The following CDH8 variants were observed in gnomAD, a reference collection of about 807,000 sequenced individuals.
CDH8 encodes the protein cadherin-8.
A neutral mutation model predicts 68.1 loss-of-function variants in CDH8; 17 were observed. The ratio of observed to expected loss-of-function variants is 0.25; its 90% CI spans 0.17 to 0.37. CDH8 has a LOEUF of 0.37. CDH8 is among the 10% of genes least tolerant of loss of function. The pLI is 1.00. For missense variants in CDH8, 763 were observed against 999.3 expected (o/e 0.76, Z 3.19); for synonymous variants, 372 against 365.1 (o/e 1.02, Z -0.21).
rs147075749 is a variant in CDH8 at position 61,961,022 on chromosome 16, A to T, written c.253-59549T>A. 3.0e-4 allele frequency among the ~76,000 whole-genome samples: 45 copies of T among 152,224 alleles called. No individual in the cohort carries two copies. In the East Asian group the frequency reaches 7.0e-3, roughly 24 times the overall value. On this transcript the variant is annotated intron_variant, in intron 2 of 11. Transcript: ENST00000577390. ...AAGAAGACAGAAGGATCTCTATAAG[A>T]ACAGGAATTGGGGCTGGGCACGGTG...
intron 8 of CDH8, among the ~76,000 whole-genome samples, chr16:61,735,201 G>A (rs900331533): frequency 7.9e-5 from 12 of 151,934 alleles, no homozygotes; most frequent in African/African-American, 2.2e-4. Context: ...TACATAGACC[G>A]TTTTCCAAAT....
chr16:61,717,229 AT>A (rs1444341547), intron 9 of CDH8, among the ~76,000 whole-genome samples: 1 of 151,622 alleles, frequency 6.6e-6, no homozygotes, highest in East Asian at 1.9e-4. Flanking sequence ...AATATTTTCA[AT>A]TTTAAGGAAA....
At chr16:61,871,913 A>G (rs1963377648) in intron 3 of CDH8, among the ~76,000 whole-genome samples, 1 of 151,308 alleles carries the variant, frequency 6.6e-6, no homozygotes, top group African/African-American at 2.4e-5. Context: ...TTTTGAAACC[A>G]TCAAACAAAG....
intron 3 of CDH8, among the ~76,000 whole-genome samples, chr16:61,882,601 C>T (rs940577668): frequency 6.6e-6 from 1 of 152,160 alleles, no homozygotes; most frequent in Non-Finnish European, 1.5e-5. Flanking sequence ...GGCCATTATC[C>T]TTGGCAAACA....
chr16:61,903,571 A>G (rs988843712), intron 2 of CDH8, among the ~76,000 whole-genome samples: 1 of 152,088 alleles, frequency 6.6e-6, no homozygotes, highest in Non-Finnish European at 1.5e-5. Context: ...TCGGCCTCCC[A>G]AAGTGCTGGG....
intron 3 of CDH8, among the ~76,000 whole-genome samples, chr16:61,865,402 CG>C (rs752146743): frequency 2.6e-5 from 4 of 152,158 alleles, no homozygotes; most frequent in Non-Finnish European, 5.9e-5. Context: ...TTTGAGCACA[CG>C]GATGTCTTCT....
intron 9 of CDH8, 191 bp from the exon 10 acceptor site, chr16:61,714,149 G>C: frequency 1.8e-6 from 1 of 554,932 alleles, no homozygotes; most frequent in Non-Finnish European, 3.2e-6. Flanking sequence ...CCTCAGCTTT[G>C]ATAAGTTGAT....
intron 10 of CDH8, among the ~76,000 whole-genome samples, chr16:61,684,102 C>G (rs922320898): frequency 2.0e-5 from 3 of 151,972 alleles, no homozygotes; most frequent in African/African-American, 7.2e-5. Flanking sequence ...TTGATAATTC[C>G]CTTTTCCCCT....
intron 4 of CDH8, among the ~76,000 whole-genome samples, chr16:61,853,809 A>G (rs1193816954): frequency 6.6e-6 from 1 of 152,092 alleles, no homozygotes; most frequent in East Asian, 1.9e-4. Flanking sequence ...GACCCATAGC[A>G]TGCATTTTTA....
intron 3 of CDH8, 25 bp from the exon 4 acceptor site, chr16:61,857,263 GATA>G (rs1567502692): frequency 6.3e-7 from 1 of 1,598,032 alleles, no homozygotes; most frequent in South Asian, 1.1e-5. Flanking sequence ...AAAGAAAAAA[GATA>G]ATAATTAACA....
intron 3 of CDH8, among the ~76,000 whole-genome samples, chr16:61,882,131 TAGA>T (rs1446875331): frequency 6.6e-6 from 1 of 152,216 alleles, no homozygotes; most frequent in Non-Finnish European, 1.5e-5. Flanking sequence ...TCTGAGGCTG[TAGA>T]AGAAAACTGC....
intron 2 of CDH8, among the ~76,000 whole-genome samples, chr16:61,975,599 A>T (rs1395130934): frequency 6.6e-6 from 1 of 152,202 alleles, no homozygotes. Context: ...TGATAAAAAA[A>T]TCTATCATTT....
chr16:61,763,105 T>C (rs931708072), intron 8 of CDH8, among the ~76,000 whole-genome samples: 7 of 152,098 alleles, frequency 4.6e-5, no homozygotes, highest in Non-Finnish European at 7.4e-5. Context: ...TCAGCTTGCA[T>C]AGGATGTAAA....
Position 61,714,867 on chromosome 16 carries a change from TATA to T in CDH8, c.1537-912_1537-910del, listed in dbSNP as rs778838354. 6.6e-5 allele frequency among the ~76,000 whole-genome samples: 10 copies of T among 151,760 alleles called. No individual in the cohort carries two copies. In the South Asian group the frequency reaches 2.1e-3, roughly 31 times the overall value. ...TCTCAGGTTTATGATATTTCGAGGA[TATA>T]ATAATGATGTCAATGCTATTGTGTC... is the stretch of plus-strand genomic sequence containing the variant. On this transcript the variant is annotated intron_variant, in intron 9 of 11. Coordinates refer to ENST00000577390, the MANE Select transcript of CDH8 (RefSeq NM_001796.5).
intron 7 of CDH8, among the ~76,000 whole-genome samples, chr16:61,812,197 T>G (rs1407218970): frequency 6.6e-6 from 1 of 152,172 alleles, no homozygotes; most frequent in Non-Finnish European, 1.5e-5. Flanking sequence ...GTATGAAATA[T>G]TTTCACTTTA....
At chr16:62,020,578 TG>T (rs1902050602) in intron 2 of CDH8, among the ~76,000 whole-genome samples, 2 of 152,120 alleles carry the variant, frequency 1.3e-5, no homozygotes, top group South Asian at 4.1e-4. Flanking sequence ...TGACAATGAA[TG>T]AACTAGTTTC....
rs771342456 is a variant in CDH8 at position 61,901,376 on chromosome 16, T to A, written c.350A>T (p.Asp117Val). The change falls in exon 3 of 12, where the codon GAT becomes GTT. Residue 117 changes from aspartate to valine, a missense_variant. Transcript: ENST00000577390. ...TIFQINDVTG[D>V]IHAIKRLDRE... Reference sequence around the variant, plus strand: ...GTCAAGTCTTTTTATAGCATGGATATCTCCAGTTACATCATTTATTTGAAA... The same window carrying A: ...GTCAAGTCTTTTTATAGCATGGATAACTCCAGTTACATCATTTATTTGAAA... 6.2e-7 allele frequency: 1 copy of A among 1,613,820 alleles called. No individual in the cohort carries two copies. The highest frequency in any genetic ancestry group is 8.5e-7 in the Non-Finnish European group (1 of 1,179,770).
At chr16:61,782,258 G>A (rs918449732) in intron 8 of CDH8, among the ~76,000 whole-genome samples, 4 of 152,124 alleles carry the variant, frequency 2.6e-5, no homozygotes, top group Admixed American at 2.0e-4. Flanking sequence ...GAAGCAGGGC[G>A]AGGCATTGCC....
chr16:61,728,251 C>CT (rs1959431798), intron 8 of CDH8, among the ~76,000 whole-genome samples: 1 of 120,662 alleles, frequency 8.3e-6, no homozygotes, highest in Non-Finnish European at 1.8e-5. Context: ...CTAAAATACT[C>CT]ATTTTTTTTT....
Sources: allele counts gnomAD v4.1 joint callset (sites outside exome capture counted in the v4.1 genomes callset), GRCh38; gene constraint gnomAD v4.1.1; transcripts MANE v1.5; gene names NCBI Gene and HGNC (gene_info 2026-07-23, HGNC 2026-07-21).